Variants in RPAP3 observed in about 807,000 individuals in gnomAD.
The protein encoded by RPAP3 is RNA polymerase II associated protein 3.
In RPAP3, 58 loss-of-function variants were observed where a neutral mutation model predicts 88.8. That is an observed-to-expected ratio of 0.65 (90% CI 0.53 to 0.81). The LOEUF is 0.81. Ranked by LOEUF, RPAP3 falls within the 40% of genes least tolerant of loss-of-function variation. RPAP3 has a pLI of 0.00. For synonymous variants in RPAP3, 255 were observed against 259.9 expected (o/e 0.98, Z 0.18); for missense variants, 751 against 764.3 (o/e 0.98, Z 0.20).
intron 13 of RPAP3, 110 bp downstream of exon 13, chr12:47,669,997 A>G: frequency 1.4e-6 from 1 of 694,188 alleles, no homozygotes; most frequent in East Asian, 2.6e-5. Context: ...TAAGTTAGGC[A>G]GTTCAAAAAA....
At position 47,663,417 on chromosome 12, in the gene RPAP3, A is replaced by G; in HGVS notation, c.*88T>C. On this transcript the variant is annotated 3_prime_UTR_variant, in exon 17 of 17. Coordinates refer to ENST00000005386, the MANE Select transcript of RPAP3 (RefSeq NM_024604.3). ...CAAAGATAGTCCTTTCCTGCTATAT[A>G]ATTTCATTTTCTTAAAAAGCAAAAC... 1.3e-6 allele frequency: 1 copy of G among 792,874 alleles called. No homozygotes were observed. Among genetic ancestry groups the G allele is most frequent in the South Asian group, 1.6e-5 (1 of 63,322 alleles). 49.1% of individuals were successfully genotyped at this position (792,874 alleles called of 1,614,324 possible). A position where few individuals can be genotyped will look rare whatever the true frequency, so the allele number is the denominator to read the frequency against.
At position 47,662,114 on chromosome 12, in the gene RPAP3, T is replaced by A. The variant is rs1055205860; in HGVS notation, c.*1391A>T. On this transcript the variant is annotated 3_prime_UTR_variant, in exon 17 of 17. Transcript: ENST00000005386. The stretch of plus-strand genomic sequence containing the variant: ...ATTGGTGAACAAGCTCTCTGGGGCC[T>A]CTTTTACAAGGGCCTGCCCTCTTGA... 5 of 152,280 alleles carry A rather than the reference T, an allele frequency of 3.3e-5. No individual in the cohort carries two copies. The highest frequency in any genetic ancestry group is 1.2e-4 in the African/African-American group (5 of 41,552). The allele number at this position is 152,280 out of a possible 1,614,324, so 9.4% of individuals were successfully genotyped here. A position where few individuals can be genotyped will look rare whatever the true frequency, so the allele number is the denominator to read the frequency against.
At chr12:47,686,684 C>T (rs1219482812) in intron 9 of RPAP3, 96 bp downstream of exon 9, 12 of 914,756 alleles carry the variant, frequency 1.3e-5, no homozygotes, top group African/African-American at 8.5e-5. Context: ...TAACCTAACA[C>T]GCCATAATTG....
Position 47,693,330 on chromosome 12 carries a change from G to A in RPAP3, c.546-2691C>T, listed in dbSNP as rs553176445. On this transcript the variant is annotated intron_variant, in intron 5 of 16. Transcript: ENST00000005386. ...CAACAACATATGGGTGTGCTTGATG[G>A]CTCCCCAAAACAATTACAATAGAAA... 1.1e-4 allele frequency among the ~76,000 whole-genome samples: 16 copies of A among 152,200 alleles called. No individual in the cohort carries two copies. The South Asian group carries it at 3.1e-3, about 30-fold the overall frequency.
At chr12:47,688,087 A>G (rs566427673) in intron 7 of RPAP3, 86 bp from the exon 8 acceptor site, 3 of 1,132,972 alleles carry the variant, frequency 2.6e-6, no homozygotes, top group African/African-American at 1.6e-5. Flanking sequence ...TACCTCAAAT[A>G]TATTAGAATT....
intron 4 of RPAP3, 53 bp from the exon 5 acceptor site, chr12:47,696,456 C>G (rs1161274743): frequency 7.2e-7 from 1 of 1,395,962 alleles, no homozygotes; most frequent in Non-Finnish European, 9.7e-7. Flanking sequence ...AAATTCACTA[C>G]AGTTGACCCT....
At chr12:47,685,421 C>T (rs992425846) in intron 9 of RPAP3, among the ~76,000 whole-genome samples, 9 of 151,300 alleles carry the variant, frequency 5.9e-5, no homozygotes, top group Middle Eastern at 3.4e-3. Flanking sequence ...CACATTATAA[C>T]GGTTACTGGT....
At position 47,697,683 on chromosome 12, in the gene RPAP3, T is replaced by C. The variant is rs1468222855; in HGVS notation, c.331A>G (p.Thr111Ala). The C allele has an allele frequency of 1.9e-6, 3 of 1,607,760 alleles. No homozygotes were observed. The highest frequency in any genetic ancestry group is 2.5e-6 in the Non-Finnish European group (3 of 1,177,190). ...ILDELDKDDS[T>A]HESLSQESES... ...GATTCTTGAGACAGAGACTCATGGG[T>C]ACTATCGTCTTTGTCAAGCTCATCA... Residue 111 changes from threonine to alanine, a missense_variant, in exon 4 of 17, where the codon ACC becomes GCC. Coordinates refer to ENST00000005386, the MANE Select transcript of RPAP3 (RefSeq NM_024604.3).
chr12:47,690,401 T>C lies in RPAP3; in HGVS notation c.667+117A>G, dbSNP rs568130143. 1.5e-5 allele frequency: 12 copies of C among 820,030 alleles called. No individual in the cohort carries two copies. In the Admixed American group the frequency reaches 2.8e-4, roughly 19 times the overall value. The allele number at this position is 820,030 out of a possible 1,614,324, so 50.8% of individuals were successfully genotyped here. ...TATCATTTCAGTTGCAAAAATGACC[T>C]TTGTTCAAATACAGAAAGCTCTCTG... On this transcript the variant is annotated intron_variant, in intron 6 of 16. Coordinates refer to ENST00000005386, the MANE Select transcript of RPAP3 (RefSeq NM_024604.3).
chr12:47,702,144 C>G (rs188907032), intron 2 of RPAP3, among the ~76,000 whole-genome samples: 136 of 152,316 alleles, frequency 8.9e-4, no homozygotes, highest in Non-Finnish European at 1.7e-3. Context: ...TTATTTACCT[C>G]TAAGTATTAT....
intron 12 of RPAP3, among the ~76,000 whole-genome samples, chr12:47,677,607 C>G (rs1565716161): frequency 6.6e-6 from 1 of 151,904 alleles, no homozygotes; most frequent in Non-Finnish European, 1.5e-5. Context: ...AACAGACAAG[C>G]AGAGAGACAA....
chr12:47,665,829 C>T lies in RPAP3; in HGVS notation c.1912+1151G>A, dbSNP rs139313385. On this transcript the variant is annotated intron_variant, in intron 16 of 16. Transcript: ENST00000005386. ...CTCATTTTTGTATTTTTTGTAAAGA[C>T]GGGGTTTTTGCCATGTTGGCCAGCC... is the stretch of plus-strand genomic sequence containing the variant. Among the ~76,000 whole-genome samples, 430 of 151,240 alleles carry T rather than the reference C, an allele frequency of 2.8e-3. 3 individuals are homozygous for T. Among genetic ancestry groups the T allele is most frequent in the African/African-American group, 9.8e-3 (405 of 41,254 alleles).
At chr12:47,689,286 G>C (rs777739389) in intron 6 of RPAP3, 91 bp from the exon 7 acceptor site, 67 of 583,086 alleles carry the variant, frequency 1.1e-4, no homozygotes, top group Non-Finnish European at 1.9e-4. Context: ...GTGACAATCA[G>C]GCAACTGTCC....
intron 8 of RPAP3, among the ~76,000 whole-genome samples, chr12:47,687,266 T>C (rs112370883): frequency 3.9e-5 from 6 of 152,282 alleles, no homozygotes; most frequent in South Asian, 4.1e-4. Context: ...ACAAAAGGAC[T>C]TCATAACTCA....
chr12:47,679,462 G>T, intron 12 of RPAP3, 31 bp downstream of exon 12: 2 of 1,394,046 alleles, frequency 1.4e-6, no homozygotes, highest in Non-Finnish European at 2.0e-6. Flanking sequence ...ATATTTAAAT[G>T]GCAAGGAAAA....
chr12:47,698,526 A>G (rs1314926776), intron 3 of RPAP3, among the ~76,000 whole-genome samples: 1 of 152,038 alleles, frequency 6.6e-6, no homozygotes, highest in Non-Finnish European at 1.5e-5. Flanking sequence ...TTTTTATTTT[A>G]TTTTTGAGAC....
At chr12:47,664,255 T>C (rs1938819013) in intron 16 of RPAP3, among the ~76,000 whole-genome samples, 2 of 152,078 alleles carry the variant, frequency 1.3e-5, no homozygotes, top group African/African-American at 4.8e-5. Flanking sequence ...CCGCGAGTGA[T>C]GGCGGGCGCC....
chr12:47,690,518 CT>C lies in RPAP3; in HGVS notation c.666del (p.Asp223IlefsTer6). The C allele has an allele frequency of 9.4e-6, 15 of 1,592,662 alleles. No homozygotes were observed. Among genetic ancestry groups the C allele is most frequent in the Admixed American group, 5.2e-5 (3 of 57,604 alleles). ...TCTTTAGAGAGTGACTAGAAAATAC[CT>C]TTTTTGGCCTCTTCTAATTTTTGCA... is the stretch of plus-strand genomic sequence containing the variant. ...FALQKLEEAK[K>X]DYERVLELEP... On this transcript the variant is annotated frameshift_variant and splice_region_variant, in exon 6 of 17. Coordinates refer to ENST00000005386, the MANE Select transcript of RPAP3 (RefSeq NM_024604.3). LOFTEE classifies it high-confidence loss of function.
At chr12:47,691,316 T>C (rs1195828313) in intron 5 of RPAP3, among the ~76,000 whole-genome samples, 1 of 152,140 alleles carries the variant, frequency 6.6e-6, no homozygotes, top group Non-Finnish European at 1.5e-5. Flanking sequence ...CAACTGACCA[T>C]CCATTCAAGT....
Sources: allele counts gnomAD v4.1 joint callset (sites outside exome capture counted in the v4.1 genomes callset), GRCh38; gene constraint gnomAD v4.1.1; transcripts MANE v1.5; gene names NCBI Gene and HGNC (gene_info 2026-07-23, HGNC 2026-07-21).